Variants in KLHL32 observed in about 807,000 individuals in gnomAD.
KLHL32 encodes the protein kelch-like protein 32.
Under a neutral mutation model 64.8 loss-of-function variants are expected in KLHL32, and 35 were observed. That is an observed-to-expected ratio of 0.54 (90% CI 0.41 to 0.72). KLHL32 has a LOEUF of 0.72. Ranked by LOEUF, KLHL32 falls within the 30% of genes least tolerant of loss-of-function variation. The probability of loss-of-function intolerance (pLI) is 0.00; values close to 1 mark genes in which losing one functional copy is unlikely to be tolerated. For missense variants in KLHL32, 589 were observed against 768.5 expected (o/e 0.77, Z 2.76); for synonymous variants, 259 against 281.0 (o/e 0.92, Z 0.78).
At chr6:96,973,638 TTTTG>T (rs1775348201) in intron 2 of KLHL32, among the ~76,000 whole-genome samples, 1 of 152,066 alleles carries the variant, frequency 6.6e-6, no homozygotes. Flanking sequence ...AAAAGGCTGA[TTTTG>T]AGATTCATTA....
At chr6:96,904,739 A>G in the KLHL32 span, among the ~76,000 whole-genome samples, 1 of 152,206 alleles carries the variant, frequency 6.6e-6, no homozygotes, top group African/African-American at 2.4e-5. Context: ...CTATATCAGA[A>G]TATGATATAA....
chr6:97,113,635 G>T (rs1797464770), intron 6 of KLHL32, 148 bp from the exon 7 acceptor site: 2 of 1,082,424 alleles, frequency 1.8e-6, no homozygotes, highest in Non-Finnish European at 2.6e-6. Context: ...TCCTCACATG[G>T]GCTTCAAAAT....
chr6:96,919,065 A>G, the KLHL32 span, among the ~76,000 whole-genome samples: 88,860 of 151,890 alleles, frequency 0.59, 26,566 homozygotes, highest in African/African-American at 0.7. Context: ...ACAGTGAGAG[A>G]TTCATGACCT....
At chr6:97,081,793 TA>T (rs1792565389) in intron 5 of KLHL32, among the ~76,000 whole-genome samples, 1 of 152,238 alleles carries the variant, frequency 6.6e-6, no homozygotes, top group Non-Finnish European at 1.5e-5. Flanking sequence ...TCCAGTAGAC[TA>T]TATATACCAT....
intron 1 of KLHL32, among the ~76,000 whole-genome samples, chr6:96,925,267 T>C (rs1365888230): frequency 1.3e-5 from 2 of 152,184 alleles, no homozygotes; most frequent in Non-Finnish European, 2.9e-5. Flanking sequence ...TGCTCCTTGG[T>C]TGCCAAGGAG....
chr6:97,023,452 A>AT (rs1782288841), intron 3 of KLHL32, among the ~76,000 whole-genome samples: 1 of 152,132 alleles, frequency 6.6e-6, no homozygotes, highest in African/African-American at 2.4e-5. Context: ...CTAAATATAT[A>AT]TTTTTTGTTT....
intron 10 of KLHL32, among the ~76,000 whole-genome samples, chr6:97,133,866 ATTTTT>A (rs992543642): frequency 6.6e-6 from 1 of 152,156 alleles, no homozygotes; most frequent in Non-Finnish European, 1.5e-5. Flanking sequence ...GAAAGACTGT[ATTTTT>A]CTTAGCATAC....
At chr6:97,117,004 T>C (rs1797866587) in intron 7 of KLHL32, among the ~76,000 whole-genome samples, 1 of 152,234 alleles carries the variant, frequency 6.6e-6, no homozygotes, top group Admixed American at 6.5e-5. Flanking sequence ...CTGTGTACAG[T>C]ACAATATCTT....
At chr6:96,944,095 G>A (rs1339516517) in intron 1 of KLHL32, among the ~76,000 whole-genome samples, 1 of 152,060 alleles carries the variant, frequency 6.6e-6, no homozygotes, top group Admixed American at 6.6e-5. Flanking sequence ...TGTCCTCCAG[G>A]CTGTTGCTCA....
intron 1 of KLHL32, among the ~76,000 whole-genome samples, chr6:96,951,714 T>TTG (rs1364340321): frequency 6.6e-6 from 1 of 152,214 alleles, no homozygotes; most frequent in African/African-American, 2.4e-5. Context: ...GCTAATTAAG[T>TTG]TGTATACCTT....
chr6:96,982,514 T>C (rs1776440161), intron 3 of KLHL32, among the ~76,000 whole-genome samples: 1 of 152,348 alleles, frequency 6.6e-6, no homozygotes, highest in Non-Finnish European at 1.5e-5. Flanking sequence ...TGCCACTCTC[T>C]GCCTTTTAAT....
intron 4 of KLHL32, among the ~76,000 whole-genome samples, chr6:97,058,521 C>T (rs80031134): frequency 0.029 from 4,451 of 152,208 alleles, 231 homozygotes; most frequent in African/African-American, 0.1. Context: ...TTATATAGAA[C>T]TCTAATTTGA....
intron 3 of KLHL32, among the ~76,000 whole-genome samples, chr6:96,996,297 G>A (rs1435561869): frequency 6.6e-6 from 1 of 152,162 alleles, no homozygotes; most frequent in African/African-American, 2.4e-5. Flanking sequence ...AAATATTTGA[G>A]CATCTTTTTC....
chr6:97,112,069 T>G (rs1797222004), intron 6 of KLHL32, among the ~76,000 whole-genome samples: 1 of 152,108 alleles, frequency 6.6e-6, no homozygotes, highest in Admixed American at 6.5e-5. Flanking sequence ...TTTGGAAAAG[T>G]CAACATTCCA....
intron 8 of KLHL32, 92 bp from the exon 9 acceptor site, chr6:97,130,665 A>C (rs1350219720): frequency 1.1e-6 from 1 of 905,598 alleles, no homozygotes; most frequent in Non-Finnish European, 1.7e-6. Context: ...ATTGATAAAC[A>C]TTAGGGTTCT....
At chr6:96,967,272 C>T (rs896546532) in intron 2 of KLHL32, among the ~76,000 whole-genome samples, 189 bp downstream of exon 2, 1 of 152,130 alleles carries the variant, frequency 6.6e-6, no homozygotes, top group African/African-American at 2.4e-5. Flanking sequence ...ATTTGTCAAA[C>T]CTAAATATGT....
chr6:97,090,838 A>G (rs1794116330), intron 6 of KLHL32, among the ~76,000 whole-genome samples: 1 of 152,250 alleles, frequency 6.6e-6, no homozygotes, highest in Non-Finnish European at 1.5e-5. Flanking sequence ...TTTGGTCTAT[A>G]GCTTCTAAAT....
chr6:96,934,701 C>T (rs1770364380), intron 1 of KLHL32, among the ~76,000 whole-genome samples: 1 of 152,198 alleles, frequency 6.6e-6, no homozygotes, highest in Non-Finnish European at 1.5e-5. Context: ...CATATGGTAG[C>T]TCGGTTGATT....
chr6:96,946,962 T>G (rs1340663572), intron 1 of KLHL32, among the ~76,000 whole-genome samples: 2 of 152,210 alleles, frequency 1.3e-5, no homozygotes, highest in South Asian at 2.1e-4. Flanking sequence ...TGGGCACATA[T>G]TTAATTCTAA....
Sources: gnomAD v4.1 joint callset for allele counts (sites outside exome capture counted in the v4.1 genomes callset) on GRCh38, gnomAD v4.1.1 for gene constraint, MANE v1.5 for transcripts, NCBI Gene and HGNC (gene_info 2026-07-23, HGNC 2026-07-21) for gene names.